The following KLHL12 variants were observed in gnomAD, a reference collection of about 807,000 sequenced individuals.
KLHL12 encodes kelch like family member 12.
KLHL12 carries 17 observed loss-of-function variants against 60.8 expected under a neutral mutation model. The observed-to-expected ratio is 0.28, with a 90% CI of 0.19 to 0.42. The LOEUF (loss-of-function observed/expected upper bound fraction) is 0.42. Ranked by LOEUF, KLHL12 falls within the 10% of genes least tolerant of loss-of-function variation. The pLI is 1.00. For missense variants in KLHL12, 468 were observed against 722.3 expected, an observed-to-expected ratio of 0.65 and a Z score of 4.04; for synonymous variants, 220 against 250.9, an observed-to-expected ratio of 0.88 and a Z score of 1.16.
intron 6 of KLHL12, among the ~76,000 whole-genome samples, chr1:202,902,048 T>TG (rs1418576626): frequency 6.6e-6 from 1 of 152,008 alleles, no homozygotes; most frequent in Non-Finnish European, 1.5e-5. Flanking sequence ...ACAGGTATTA[T>TG]GAAAAAAAAA....
chr1:202,914,638 C>T (rs571627505), intron 4 of KLHL12, among the ~76,000 whole-genome samples: 86 of 152,004 alleles, frequency 5.7e-4, no homozygotes, highest in African/African-American at 1.9e-3. Context: ...GAGGCCGAGG[C>T]GGGTGGATCA....
rs201124654 is a variant in KLHL12 at position 202,918,279 on chromosome 1, T to G, written c.459A>C (p.Ala153=). The G allele has an allele frequency of 6.2e-7, 1 of 1,614,160 alleles. No homozygotes were observed. Among genetic ancestry groups the G allele is most frequent in the East Asian group, 2.2e-5 (1 of 44,878 alleles). ...AATGCTTCTGGCTAAAAACCTCAGC[T>G]GCTTGCATCAGGTCAACACAATTGT... ...ETHNCVDLMQ[A]AEVFSQKHFP... The change falls in exon 4 of 12, where the codon GCA becomes GCC. Residue 153 remains alanine (A), a synonymous_variant. Transcript: ENST00000367261.
rs1659775287 is a variant in KLHL12 at position 202,894,627 on chromosome 1, C to T, written c.1258G>A (p.Gly420Arg). 3 of 1,614,076 alleles carry T rather than the reference C, an allele frequency of 1.9e-6. No homozygotes were observed. The highest frequency in any genetic ancestry group is 2.5e-6 in the Non-Finnish European group (3 of 1,180,002). ...GDMQTAREGA[G>R]LVVASGVIYC... ...ATCACTCCACTGGCCACTACGAGTC[C>T]GGCACCTTCCCGGGCTGTCTGCATA... Residue 420 changes from glycine (G) to arginine (R), a missense_variant, in exon 9 of 12, where the codon GGA becomes AGA. By Grantham distance (125) the Gly-to-Arg change is moderately radical. Around this residue, in one of 4 missense-constraint regions of KLHL12, gnomAD observed 339 missense variants for 525.0 expected, o/e 0.65. Coordinates refer to ENST00000367261, the MANE Select transcript of KLHL12 (RefSeq NM_021633.4).
chr1:202,903,723 A>G (rs1660094645), intron 6 of KLHL12, among the ~76,000 whole-genome samples: 1 of 145,016 alleles, frequency 6.9e-6, no homozygotes, highest in Admixed American at 7.4e-5. Flanking sequence ...CCTGGGCTAA[A>G]ATGATTCTCC....
At chr1:202,917,756 T>C (rs1412893875) in intron 4 of KLHL12, among the ~76,000 whole-genome samples, 1 of 152,222 alleles carries the variant, frequency 6.6e-6, no homozygotes, top group East Asian at 1.9e-4. Flanking sequence ...CTGTCTCTAC[T>C]AGCAGGTTGT....
At chr1:202,903,824 T>G (rs1047071562) in intron 6 of KLHL12, among the ~76,000 whole-genome samples, 5 of 151,566 alleles carry the variant, frequency 3.3e-5, no homozygotes, top group African/African-American at 1.2e-4. Flanking sequence ...GGTTTCATCC[T>G]GTTGGCCAGG....
At chr1:202,897,102 A>AT (rs1659858539) in intron 6 of KLHL12, 142 bp from the exon 7 acceptor site, 1 of 703,036 alleles carries the variant, frequency 1.4e-6, no homozygotes. Flanking sequence ...GGAGATAATC[A>AT]TAAGGCTGTC....
At chr1:202,898,441 A>G (rs920867891) in intron 6 of KLHL12, among the ~76,000 whole-genome samples, 1 of 152,196 alleles carries the variant, frequency 6.6e-6, no homozygotes, top group African/African-American at 2.4e-5. Context: ...AATTATCATC[A>G]ATTGCTGGGC....
intron 4 of KLHL12, among the ~76,000 whole-genome samples, chr1:202,916,926 T>G (rs1017183765): frequency 6.6e-6 from 1 of 150,604 alleles, no homozygotes; most frequent in Admixed American, 6.6e-5. Flanking sequence ...TGAGCCATAA[T>G]TGCATCACTG....
At chr1:202,927,955 G>A (rs1466936158), upstream of KLHL12, among the ~76,000 whole-genome samples, 1 of 144,688 alleles carries the variant, frequency 6.9e-6, no homozygotes, top group African/African-American at 2.6e-5. Context: ...ACTCCGGGCT[G>A]GGCGACCGAC....
In KLHL12 at chr1:202,892,651, C is replaced by T. The variant is rs779038985; in HGVS notation, c.1589G>A (p.Gly530Asp). 4 of 1,613,700 alleles carry T rather than the reference C, an allele frequency of 2.5e-6. No homozygotes were observed. The highest frequency in any genetic ancestry group is 3.4e-6 in the Non-Finnish European group (4 of 1,179,832). ...GRLYAIAGYD[G>D]NSLLSSIECY... Reference sequence around the variant, plus strand: ...TTCAATGCTACTTAGCAGGGAATTACCATCATATCTGAGTGGGAAAGAAGC... The same window carrying T: ...TTCAATGCTACTTAGCAGGGAATTATCATCATATCTGAGTGGGAAAGAAGC... The change falls in exon 12 of 12, where the codon GGT becomes GAT. Residue 530 changes from glycine (G) to aspartate (D), a missense_variant. Gly to Asp is a moderately conservative substitution (Grantham distance 94, BLOSUM62 -1). Around this residue, in one of 4 missense-constraint regions of KLHL12, gnomAD observed 68 missense variants for 119.8 expected, o/e 0.57. Transcript: ENST00000367261.
At chr1:202,922,490 CTT>C (rs769175837) in intron 2 of KLHL12, among the ~76,000 whole-genome samples, 6 of 140,684 alleles carry the variant, frequency 4.3e-5, no homozygotes, top group East Asian at 2.1e-4. Context: ...AGATCCAAGA[CTT>C]TTTTTTTTTT....
chr1:202,912,686 T>A (rs1571533476), intron 4 of KLHL12: 2 of 1,307,298 alleles, frequency 1.5e-6, no homozygotes, highest in South Asian at 2.3e-5. Context: ...GTGGCTATGG[T>A]GGTTTCAGTA....
chr1:202,892,836 G>A (rs550883171), intron 11 of KLHL12, among the ~76,000 whole-genome samples, 177 bp from the exon 12 acceptor site: 3 of 152,202 alleles, frequency 2.0e-5, no homozygotes, highest in Admixed American at 6.5e-5. Context: ...AAGAAAGAAA[G>A]AAAGAAATTA....
chr1:202,912,052 G>T, intron 4 of KLHL12: 1 of 787,310 alleles, frequency 1.3e-6, no homozygotes, highest in Non-Finnish European at 2.3e-6. Context: ...ACACAAGGTG[G>T]ATGGAAGAGT....
intron 6 of KLHL12, among the ~76,000 whole-genome samples, chr1:202,900,550 A>T (rs956358260): frequency 2.0e-5 from 3 of 152,094 alleles, no homozygotes; most frequent in Non-Finnish European, 4.4e-5. Context: ...ACTTGTCTCA[A>T]AAAATAAAAT....
At position 202,892,632 on chromosome 1, in the gene KLHL12, G is replaced by A; in HGVS notation, c.1608C>T (p.Ser536=). 2 of 1,613,994 alleles carry A rather than the reference G, an allele frequency of 1.2e-6. No individual in the cohort carries two copies. Among genetic ancestry groups the A allele is most frequent in the South Asian group, 2.2e-5 (2 of 91,074 alleles). The change falls in exon 12 of 12, where the codon AGC becomes AGT. Residue 536 remains serine, a synonymous_variant. Coordinates refer to ENST00000367261, the MANE Select transcript of KLHL12 (RefSeq NM_021633.4). ...CGATGATAGGGTCATAACATTCAATGCTACTTAGCAGGGAATTACCATCAT... is the reference window on the plus strand; with the variant it reads ...CGATGATAGGGTCATAACATTCAATACTACTTAGCAGGGAATTACCATCAT... ...AGYDGNSLLS[S]IECYDPIIDS...
rs753233771 is a variant in KLHL12, at chr1:202,892,705, AGTGGCAC to A, written c.1581-53_1581-47del. ...AGAAAGAAATGAGTCAGCTGCGTGC[AGTGGCAC>A]GTGCCTGTAATCCCAACTATGCAGG... On this transcript the variant is annotated intron_variant, in intron 11 of 11. Transcript: ENST00000367261. 2.5e-6 allele frequency: 4 copies of A among 1,600,536 alleles called. 1 individual carries two copies. The South Asian group carries it at 4.4e-5, about 18-fold the overall frequency.
intron 6 of KLHL12, 30 bp downstream of exon 6, chr1:202,908,980 T>C (rs779102949): frequency 3.0e-5 from 40 of 1,355,800 alleles, no homozygotes; most frequent in Non-Finnish European, 1.2e-5. Context: ...TTGAAAAGCA[T>C]CCCCTCATTC....
Sources: gnomAD v4.1 joint callset for allele counts (sites outside exome capture counted in the v4.1 genomes callset) on GRCh38, gnomAD v4.1.1 for gene constraint, gnomAD v4.1.1 regional missense constraint, MANE v1.5 for transcripts, NCBI Gene and HGNC (gene_info 2026-07-23, HGNC 2026-07-21) for gene names.